The following GAS2 variants were observed in gnomAD, a reference collection of about 807,000 sequenced individuals.
GAS2 encodes the protein growth arrest-specific protein 2.
In GAS2, 20 loss-of-function variants were observed where a neutral mutation model predicts 37.5. The ratio of observed to expected loss-of-function variants is 0.53; its 90% CI spans 0.37 to 0.77. The LOEUF is 0.77. Ranked by LOEUF, GAS2 falls within the 30% of genes least tolerant of loss-of-function variation. GAS2 has a pLI of 0.00. For synonymous variants in GAS2, 144 were observed against 132.2 expected (o/e 1.09, Z -0.61); for missense variants, 336 against 373.4 (o/e 0.90, Z 0.82).
At chr11:22,626,156 C>A in intron 1 of GAS2, 1 of 357,368 alleles carries the variant, frequency 2.8e-6, no homozygotes, top group Non-Finnish European at 5.4e-6. Context: ...TGAGCTTTGC[C>A]TAAAACTAGA....
intron 7 of GAS2, among the ~76,000 whole-genome samples, chr11:22,807,267 A>G (rs945729956): frequency 1.3e-5 from 2 of 152,216 alleles, no homozygotes; most frequent in African/African-American, 4.8e-5. Flanking sequence ...GAAAATCCAA[A>G]CAAACTACTA....
At chr11:22,808,030 A>C in intron 7 of GAS2, among the ~76,000 whole-genome samples, 1 of 152,190 alleles carries the variant, frequency 6.6e-6, no homozygotes, top group East Asian at 1.9e-4. Flanking sequence ...TGTTTATTCA[A>C]AAGAAATCAT....
chr11:22,713,463 T>C (rs911594791), intron 3 of GAS2, among the ~76,000 whole-genome samples: 1 of 152,158 alleles, frequency 6.6e-6, no homozygotes, highest in South Asian at 2.1e-4. Context: ...TTCCCTGGTC[T>C]TGCTAGAGAT....
At chr11:22,652,909 A>C (rs1427120484) in intron 1 of GAS2, among the ~76,000 whole-genome samples, 3 of 151,956 alleles carry the variant, frequency 2.0e-5, no homozygotes, top group Non-Finnish European at 4.4e-5. Flanking sequence ...GGAGCTGTAG[A>C]CCGGAGCGGT....
intron 1 of GAS2, among the ~76,000 whole-genome samples, chr11:22,640,199 ATG>A (rs1275646031): frequency 6.6e-6 from 1 of 152,138 alleles, no homozygotes; most frequent in Non-Finnish European, 1.5e-5. Context: ...CAAATTTGAG[ATG>A]TGTCTTTTTA....
chr11:22,750,534 A>C (rs114049579), intron 6 of GAS2, among the ~76,000 whole-genome samples: 2,100 of 152,176 alleles, frequency 0.014, 57 homozygotes, highest in African/African-American at 0.048. Flanking sequence ...GAAGAACAGG[A>C]AAGACATTTT....
chr11:22,719,173 G>A (rs545247566), intron 3 of GAS2, among the ~76,000 whole-genome samples: 4 of 151,604 alleles, frequency 2.6e-5, no homozygotes, highest in East Asian at 1.9e-4. Context: ...TTTTTCTGAC[G>A]AGAACGTTTA....
intron 7 of GAS2, among the ~76,000 whole-genome samples, chr11:22,807,132 C>T (rs1435258320): frequency 6.6e-6 from 1 of 152,080 alleles, no homozygotes; most frequent in Non-Finnish European, 1.5e-5. Context: ...GAAAAAACGA[C>T]TCCTTCAAAG....
At chr11:22,725,782 T>C (rs928521653) in intron 3 of GAS2, among the ~76,000 whole-genome samples, 5 of 152,220 alleles carry the variant, frequency 3.3e-5, no homozygotes, top group African/African-American at 1.2e-4. Flanking sequence ...TGACTGAGAC[T>C]TGTGATGTTA....
At chr11:22,811,693 T>A (rs1181399396) in intron 7 of GAS2, 105 bp from the exon 8 acceptor site, 5 of 1,063,396 alleles carry the variant, frequency 4.7e-6, no homozygotes, top group African/African-American at 1.6e-5. Context: ...AAACAATGGG[T>A]CATGAAATAC....
At chr11:22,784,006 T>C (rs1439413941) in intron 7 of GAS2, among the ~76,000 whole-genome samples, 1 of 152,172 alleles carries the variant, frequency 6.6e-6, no homozygotes, top group Non-Finnish European at 1.5e-5. Flanking sequence ...GGTCTATAGT[T>C]CTGTTTCTGT....
chr11:22,764,121 A>T (rs1854541623), intron 7 of GAS2, among the ~76,000 whole-genome samples: 1 of 152,200 alleles, frequency 6.6e-6, no homozygotes, highest in East Asian at 1.9e-4. Flanking sequence ...ATAACTAACC[A>T]TTGCTGTAAA....
chr11:22,679,167 C>T (rs1193267807), intron 2 of GAS2, among the ~76,000 whole-genome samples: 1 of 151,878 alleles, frequency 6.6e-6, no homozygotes, highest in Admixed American at 6.6e-5. Flanking sequence ...CTTTGCAGTC[C>T]TATTAGGTTT....
chr11:22,637,251 GTATACTAATATATTAATTATA>G (rs1565060611), intron 1 of GAS2, among the ~76,000 whole-genome samples: 30 of 18,798 alleles, frequency 1.6e-3, no homozygotes, highest in Middle Eastern at 0.056. Flanking sequence ...TATATTAATA[GTATACTAATATATTAATTATA>G]TTAATAGTAT....
chr11:22,627,813 A>G (rs1029833310), intron 1 of GAS2, among the ~76,000 whole-genome samples: 3 of 152,060 alleles, frequency 2.0e-5, no homozygotes, highest in Non-Finnish European at 2.9e-5. Context: ...AAAAAGGAAA[A>G]GAAACCAACT....
At chr11:22,744,708 G>T (rs1853285669) in intron 5 of GAS2, among the ~76,000 whole-genome samples, 1 of 151,882 alleles carries the variant, frequency 6.6e-6, no homozygotes, top group Admixed American at 6.6e-5. Flanking sequence ...TGAAGCAAAA[G>T]CTGGGCAAAA....
intron 6 of GAS2, among the ~76,000 whole-genome samples, chr11:22,751,547 G>A (rs1032329191): frequency 6.6e-6 from 1 of 151,888 alleles, no homozygotes; most frequent in Admixed American, 6.6e-5. Flanking sequence ...AGCTAATTAA[G>A]GTTGAAACTT....
At chr11:22,811,552 C>T (rs557027304) in intron 7 of GAS2, among the ~76,000 whole-genome samples, 9 of 152,208 alleles carry the variant, frequency 5.9e-5, no homozygotes, top group South Asian at 4.1e-4. Context: ...AAGAATTATA[C>T]GTAGGTGCTG....
intron 3 of GAS2, chr11:22,702,174 A>G (rs1020129186): frequency 6.6e-6 from 1 of 152,158 alleles, no homozygotes; most frequent in Non-Finnish European, 1.5e-5. Flanking sequence ...CTACCCATAC[A>G]TTATCATTTT....
Sources: gnomAD v4.1 joint callset for allele counts (sites outside exome capture counted in the v4.1 genomes callset) on GRCh38, gnomAD v4.1.1 for gene constraint, MANE v1.5 for transcripts, NCBI Gene and HGNC (gene_info 2026-07-23, HGNC 2026-07-21) for gene names.